Variants in AGBL4 observed in about 807,000 individuals in gnomAD.
The protein encoded by AGBL4 is cytosolic carboxypeptidase 6.
AGBL4 carries 58 observed loss-of-function variants against 66.4 expected under a neutral mutation model. That is an observed-to-expected ratio of 0.87 (90% confidence interval 0.71 to 1.09). The LOEUF is 1.09. AGBL4 is among the 50% of genes least tolerant of loss of function. The pLI is 0.00. For synonymous variants in AGBL4, 234 were observed against 222.9 expected (o/e 1.05, Z -0.44); for missense variants, 579 against 631.0 (o/e 0.92, Z 0.88).
chr1:49,628,124 G>T (rs1283574260), intron 3 of AGBL4, among the ~76,000 whole-genome samples: 1 of 152,138 alleles, frequency 6.6e-6, no homozygotes, highest in Non-Finnish European at 1.5e-5. Flanking sequence ...GCCAGGAGCT[G>T]TTTCTCAAAA....
At chr1:49,640,670 G>T (rs951636175) in intron 3 of AGBL4, among the ~76,000 whole-genome samples, 1 of 152,088 alleles carries the variant, frequency 6.6e-6, no homozygotes, top group African/African-American at 2.4e-5. Context: ...TTACTCCAGG[G>T]ATTTGCCTAG....
chr1:49,358,583 A>G (rs931169116), intron 3 of AGBL4, among the ~76,000 whole-genome samples: 6 of 152,148 alleles, frequency 3.9e-5, no homozygotes, highest in Admixed American at 2.0e-4. Context: ...TTGCTTGAAC[A>G]CTTTTACTAA....
chr1:48,817,927 G>A lies in AGBL4; in HGVS notation c.634+49264C>T. Reference sequence around the variant, plus strand: ...ATTTTGGGTGAATGGTGGAGGCTGTGTAGTCAGTAGGCAAAAAGCTAATAC... The same window carrying A: ...ATTTTGGGTGAATGGTGGAGGCTGTATAGTCAGTAGGCAAAAAGCTAATAC... On this transcript the variant is annotated intron_variant, in intron 6 of 13. Coordinates refer to ENST00000371839, the MANE Select transcript of AGBL4 (RefSeq NM_032785.4). 5 of 634,396 alleles carry A rather than the reference G, an allele frequency of 7.9e-6. No homozygotes were observed. The East Asian group carries it at 1.4e-4, about 17-fold the overall frequency. The allele number at this position is 634,396 out of a possible 1,614,324, so 39.3% of individuals were successfully genotyped here.
chr1:49,230,470 A>G (rs1309068944), intron 4 of AGBL4, among the ~76,000 whole-genome samples: 1 of 152,148 alleles, frequency 6.6e-6, no homozygotes. Flanking sequence ...ATCACTGTTG[A>G]TTCACTGAGA....
At chr1:49,132,469 A>G (rs1645919715) in intron 4 of AGBL4, among the ~76,000 whole-genome samples, 1 of 152,136 alleles carries the variant, frequency 6.6e-6, no homozygotes, top group African/African-American at 2.4e-5. Flanking sequence ...CCTTTAGTGG[A>G]CAAGGAGAAT....
At chr1:49,937,792 C>T (rs922917285) in intron 1 of AGBL4, among the ~76,000 whole-genome samples, 3 of 151,966 alleles carry the variant, frequency 2.0e-5, no homozygotes, top group Admixed American at 6.6e-5. Context: ...TTGAAACCAA[C>T]GAGAACAAAG....
chr1:49,481,199 G>T (rs1646949341), intron 3 of AGBL4, among the ~76,000 whole-genome samples: 1 of 152,070 alleles, frequency 6.6e-6, no homozygotes, highest in Non-Finnish European at 1.5e-5. Context: ...GAACAGCATT[G>T]AATCTATAAA....
At chr1:49,916,488 T>C (rs757993511) in intron 1 of AGBL4, among the ~76,000 whole-genome samples, 32 of 152,160 alleles carry the variant, frequency 2.1e-4, no homozygotes, top group African/African-American at 1.9e-4. Flanking sequence ...GTATCAGTGA[T>C]TGAAGATCAA....
At chr1:49,362,449 CAA>C (rs145467066) in intron 3 of AGBL4, among the ~76,000 whole-genome samples, 33,767 of 80,572 alleles carry the variant, frequency 0.42, 4,481 homozygotes, top group Middle Eastern at 0.47. Context: ...GACCCTGTCT[CAA>C]AAAAAAAAAA....
chr1:49,921,168 AACATGGC>A (rs1252877482), intron 1 of AGBL4, among the ~76,000 whole-genome samples: 3 of 152,284 alleles, frequency 2.0e-5, no homozygotes, highest in Non-Finnish European at 4.4e-5. Context: ...GCAGCACACC[AACATGGC>A]ACATGTATAC....
At position 48,994,226 on chromosome 1, in the gene AGBL4, C is replaced by T. The variant is rs183802707; in HGVS notation, c.594+51358G>A. Reference sequence around the variant, plus strand: ...TCACACCTCTATACCTGTGCCTGTGCCATTCCCACTCCCTAATTGACATTT... The same window carrying T: ...TCACACCTCTATACCTGTGCCTGTGTCATTCCCACTCCCTAATTGACATTT... On this transcript the variant is annotated intron_variant, in intron 5 of 13. Transcript: ENST00000371839. Among the ~76,000 whole-genome samples the T allele has an allele frequency of 2.6e-5, 4 of 152,304 alleles. No homozygotes were observed. The East Asian group carries it at 5.8e-4, about 22-fold the overall frequency.
chr1:48,628,131 G>A (rs1319914867), intron 9 of AGBL4, among the ~76,000 whole-genome samples: 1 of 152,178 alleles, frequency 6.6e-6, no homozygotes, highest in African/African-American at 2.4e-5. Context: ...GTACAGAAAG[G>A]TGCTGAATGA....
intron 8 of AGBL4, chr1:48,647,554 T>C (rs1334899804): frequency 2.3e-6 from 1 of 435,960 alleles, no homozygotes; most frequent in African/African-American, 2.0e-5. Flanking sequence ...TATTCAAAGG[T>C]CTATGACTGT....
At chr1:49,908,961 T>C (rs1011112811) in intron 1 of AGBL4, among the ~76,000 whole-genome samples, 2 of 152,178 alleles carry the variant, frequency 1.3e-5, no homozygotes, top group Non-Finnish European at 2.9e-5. Flanking sequence ...TTGCTATTTA[T>C]ACATATACAT....
At chr1:49,374,016 T>C (rs1303379839) in intron 3 of AGBL4, among the ~76,000 whole-genome samples, 1 of 152,090 alleles carries the variant, frequency 6.6e-6, no homozygotes, top group African/African-American at 2.4e-5. Context: ...ATCAAAATCA[T>C]AAAATAACAT....
intron 1 of AGBL4, among the ~76,000 whole-genome samples, chr1:49,957,125 C>T (rs527241652): frequency 9.6e-4 from 146 of 151,952 alleles, no homozygotes; most frequent in African/African-American, 3.2e-3. Context: ...AGAGCTTTAA[C>T]TAGAATGGGC....
At chr1:48,980,042 A>G (rs1180318447) in intron 5 of AGBL4, among the ~76,000 whole-genome samples, 1 of 152,154 alleles carries the variant, frequency 6.6e-6, no homozygotes, top group East Asian at 1.9e-4. Context: ...GGAAGGTGAT[A>G]CAAATATTAC....
At chr1:48,865,045 T>C (rs553143249) in intron 6 of AGBL4, among the ~76,000 whole-genome samples, 97 of 152,098 alleles carry the variant, frequency 6.4e-4, no homozygotes, top group African/African-American at 2.3e-3. Flanking sequence ...AGGCTCCCAG[T>C]CTATGACTGG....
At chr1:49,511,460 TG>T (rs1260869725) in intron 3 of AGBL4, among the ~76,000 whole-genome samples, 2 of 56,166 alleles carry the variant, frequency 3.6e-5, no homozygotes, top group Non-Finnish European at 6.3e-5. Context: ...TGTTGTGGGG[TG>T]GGGGGAGGGG....
Sources: gnomAD v4.1 joint callset for allele counts (sites outside exome capture counted in the v4.1 genomes callset) on GRCh38, gnomAD v4.1.1 for gene constraint, MANE v1.5 for transcripts, NCBI Gene and HGNC (gene_info 2026-07-23, HGNC 2026-07-21) for gene names.